The following MYO7B variants were observed in gnomAD, a reference collection of about 807,000 sequenced individuals.
MYO7B encodes myosin VIIB, also known as unconventional myosin-VIIb.
MYO7B carries 212 observed loss-of-function variants against 259.7 expected under a neutral mutation model. The observed-to-expected ratio is 0.82, with a 90% CI of 0.73 to 0.91. MYO7B has a LOEUF of 0.91. MYO7B is among the 40% of genes least tolerant of loss of function. MYO7B has a pLI of 0.00. For missense variants in MYO7B, 2,732 were observed against 2,813.5 expected, an observed-to-expected ratio of 0.97 and a Z score of 0.66; for synonymous variants, 1,197 against 1,166.4, an observed-to-expected ratio of 1.03 and a Z score of -0.54.
chr2:127,547,002 A>G (rs1324543556), intron 1 of MYO7B, among the ~76,000 whole-genome samples: 3 of 151,964 alleles, frequency 2.0e-5, no homozygotes, highest in Non-Finnish European at 4.4e-5. Context: ...CAGTGGATCC[A>G]TCCATCCACT....
chr2:127,559,213 G>A lies in MYO7B; in HGVS notation c.-23-487G>A, dbSNP rs1295499929. Among the ~76,000 whole-genome samples the A allele has an allele frequency of 2.0e-5, 3 of 152,342 alleles. No homozygotes were observed. The highest frequency in any genetic ancestry group is 1.9e-4 in the East Asian group (1 of 5,188). On this transcript the variant is annotated intron_variant, in intron 1 of 47. Transcript: ENST00000409816. This position sits in a 1 kb window ranked among gnomAD's most constrained non-coding sequence, Gnocchi z 4.1. ...GACAGGTTTGAAAGGAGGCAGATCC[G>A]GGTTTGATTCCCAGCTGTGCTACTA...
chr2:127,539,579 A>G lies in MYO7B; in HGVS notation c.-24+3748A>G, dbSNP rs993401987. ...GGAAGATTTCTCAGGGACTATCTCT[A>G]CATGAGGGAGGGCACCTCACGGGCT... On this transcript the variant is annotated intron_variant, in intron 1 of 47. Transcript: ENST00000409816. The surrounding 1 kb of genome is among the most constrained non-coding windows in gnomAD (Gnocchi z 4.0). Among the ~76,000 whole-genome samples, 3 of 151,306 alleles carry G rather than the reference A, an allele frequency of 2.0e-5. No individual in the cohort carries two copies. The highest frequency in any genetic ancestry group is 4.4e-5 in the Non-Finnish European group (3 of 67,416).
intron 5 of MYO7B, among the ~76,000 whole-genome samples, chr2:127,568,876 CCAA>C (rs1678468534): frequency 6.7e-6 from 1 of 149,916 alleles, no homozygotes; most frequent in South Asian, 2.1e-4. Context: ...CCAGCCCAGG[CCAA>C]CAACAGCAAG....
chr2:127,630,990 C>T, intron 36 of MYO7B, 82 bp downstream of exon 36: 4 of 1,441,514 alleles, frequency 2.8e-6, no homozygotes, highest in Non-Finnish European at 3.8e-6. Context: ...GCTCCCAGCC[C>T]CGCTCCACCT....
In MYO7B at chr2:127,590,792, C is replaced by A. The variant is rs996678650; in HGVS notation, c.1992+563C>A. ...CAGAGGCCGCATATGCAGGGATTCC[C>A]CAAACTAGGAGACATCAGCTGAAAC... On this transcript the variant is annotated intron_variant, in intron 16 of 47. Coordinates refer to ENST00000409816, the MANE Select transcript of MYO7B (RefSeq NM_001393586.1). This position sits in a 1 kb window ranked among gnomAD's most constrained non-coding sequence, Gnocchi z 4.6. Among the ~76,000 whole-genome samples, 1 of 152,118 alleles carries A rather than the reference C, an allele frequency of 6.6e-6. No individual in the cohort carries two copies. Among genetic ancestry groups the A allele is most frequent in the Admixed American group, 6.5e-5 (1 of 15,286 alleles).
At chr2:127,605,815 C>G (rs768685130) in intron 19 of MYO7B, 29 bp from the exon 20 acceptor site, 28 of 1,603,732 alleles carry the variant, frequency 1.7e-5, no homozygotes, top group Non-Finnish European at 2.4e-5. Context: ...GGGATTGTTA[C>G]ATGTGTGTGG....
rs1692758047 is a variant in MYO7B, at chr2:127,535,999, G to T, written c.-24+168G>T. Among the ~76,000 whole-genome samples the T allele has an allele frequency of 6.6e-6, 1 of 152,156 alleles. No homozygotes were observed. The highest frequency in any genetic ancestry group is 2.1e-4 in the South Asian group (1 of 4,832). The stretch of plus-strand genomic sequence containing the variant: ...CTGGAAACCAGAAACCGCAGCAGGG[G>T]ACTCAGTCCATCGGGCTGAAGGGCA... On this transcript the variant is annotated intron_variant, in intron 1 of 47. Coordinates refer to ENST00000409816, the MANE Select transcript of MYO7B (RefSeq NM_001393586.1). The surrounding 1 kb of genome is among the most constrained non-coding windows in gnomAD (Gnocchi z 4.8).
At position 127,566,708 on chromosome 2, in the gene MYO7B, G is replaced by A. The variant is rs911876242; in HGVS notation, c.351G>A (p.Glu117=). Residue 117 remains glutamate (E), a synonymous_variant, in exon 5 of 48, where the codon GAG becomes GAA. Transcript: ENST00000409816. Reference sequence around the variant, plus strand: ...AGGTGCTGCCGCTCTACACCCTGGAGCAGGTACAGCTCTACTACAGCCGCC... The same window carrying A: ...AGGTGCTGCCGCTCTACACCCTGGAACAGGTACAGCTCTACTACAGCCGCC... ...PFQVLPLYTL[E]QVQLYYSRHM... 3.7e-6 allele frequency: 6 copies of A among 1,611,040 alleles called. No homozygotes were observed. The highest frequency in any genetic ancestry group is 3.3e-5 in the South Asian group (3 of 90,788).
chr2:127,536,129 C>T (rs1437678769), intron 1 of MYO7B, among the ~76,000 whole-genome samples: 1 of 152,158 alleles, frequency 6.6e-6, no homozygotes, highest in African/African-American at 2.4e-5. Context: ...GCCAAGGCTG[C>T]TCCCACCCTG....
In MYO7B at chr2:127,631,255, G is replaced by A. The variant is rs1681487593; in HGVS notation, c.4987G>A (p.Ala1663Thr). 6.2e-7 allele frequency: 1 copy of A among 1,611,002 alleles called. No individual in the cohort carries two copies. Among genetic ancestry groups the A allele is most frequent in the Non-Finnish European group, 8.5e-7 (1 of 1,178,690 alleles). The change falls in exon 37 of 48, where the codon GCC becomes ACC. Residue 1663 changes from alanine (A) to threonine (T), a missense_variant. Around this residue, in one of 3 missense-constraint regions of MYO7B, gnomAD observed 821 missense variants for 769.3 expected, o/e 1.07. Coordinates refer to ENST00000409816, the MANE Select transcript of MYO7B (RefSeq NM_001393586.1). ...CATGGCCGTGCTGCCCCTGGCCCGTGCCCGTGGCCACCTGTGGGCCTATTC... is the reference window on the plus strand; with the variant it reads ...CATGGCCGTGCTGCCCCTGGCCCGTACCCGTGGCCACCTGTGGGCCTATTC... The part of the protein sequence containing the change: ...VSMAVLPLAR[A>T]RGHLWAYSCE...
intron 42 of MYO7B, 119 bp from the exon 43 acceptor site, chr2:127,635,000 GA>G: frequency 1.3e-6 from 1 of 779,322 alleles, no homozygotes; most frequent in Non-Finnish European, 2.1e-6. Flanking sequence ...GACTGGGGAG[GA>G]AGAAGCGTGG....
rs563573132 is a variant in MYO7B at position 127,588,645 on chromosome 2, C to G, written c.1854+90C>G. ...ACAGGAAAGACTGTTTTACTCACCT[C>G]TGGGTCCACAGCATGCAGTTGGCAC... On this transcript the variant is annotated intron_variant, in intron 15 of 47. Transcript: ENST00000409816. 3 of 1,505,250 alleles carry G rather than the reference C, an allele frequency of 2.0e-6. No individual in the cohort carries two copies. The African/African-American group carries it at 4.1e-5, about 21-fold the overall frequency. The allele number at this position is 1,505,250 out of a possible 1,614,324, so 93.2% of individuals were successfully genotyped here.
chr2:127,629,907 C>T (rs1343989083), intron 35 of MYO7B, 81 bp downstream of exon 35: 2 of 1,399,576 alleles, frequency 1.4e-6, no homozygotes, highest in East Asian at 5.5e-5. Flanking sequence ...GTTGGGAGGC[C>T]TAGCTCAGGG....
rs112362217 is a variant in MYO7B, at chr2:127,561,878, A to G, written c.18+2138A>G. On this transcript the variant is annotated intron_variant, in intron 2 of 47. Coordinates refer to ENST00000409816, the MANE Select transcript of MYO7B (RefSeq NM_001393586.1). ...TCACAGTCCTGGAAGCTGGAAGTCC[A>G]AGGTCAAGGTGCCTTTAGGGTTGGT... Among the ~76,000 whole-genome samples the G allele has an allele frequency of 9.6e-3, 1,458 of 152,302 alleles. 24 individuals are homozygous for G. The highest frequency in any genetic ancestry group is 0.034 in the African/African-American group (1,393 of 41,550).
In MYO7B at chr2:127,574,059, G is replaced by A; in HGVS notation, c.732G>A (p.Arg244=). ...QFLLEKSRVC[R]QAPEERNYHI... The stretch of plus-strand genomic sequence containing the variant: ...TCCTGGAGAAGTCCCGGGTCTGCCG[G>A]CAGGTGAGGCCTCCCCCTTCCCAGG... The change falls in exon 7 of 48, where the codon CGG becomes CGA. Residue 244 remains arginine, a synonymous_variant. Transcript: ENST00000409816. 2 of 1,613,932 alleles carry A rather than the reference G, an allele frequency of 1.2e-6. No individual in the cohort carries two copies. The highest frequency in any genetic ancestry group is 4.5e-5 in the East Asian group (2 of 44,870).
At chr2:127,561,980 T>TG (rs1678105583) in intron 2 of MYO7B, among the ~76,000 whole-genome samples, 1 of 150,988 alleles carries the variant, frequency 6.6e-6, no homozygotes, top group Admixed American at 6.6e-5. Flanking sequence ...TCTTCTGTGC[T>TG]TGGGGGTGAG....
chr2:127,624,520 G>A (rs181344724), intron 30 of MYO7B, among the ~76,000 whole-genome samples, 200 bp downstream of exon 30: 42 of 152,358 alleles, frequency 2.8e-4, no homozygotes, highest in Admixed American at 1.4e-3. Context: ...TCCGGGGTCC[G>A]TGGTTCTGGC....
At chr2:127,616,246 CT>C (rs1369703319) in intron 26 of MYO7B, among the ~76,000 whole-genome samples, 1 of 152,208 alleles carries the variant, frequency 6.6e-6, no homozygotes, top group Non-Finnish European at 1.5e-5. Context: ...TCCTCAAGCT[CT>C]ATTACCATGA....
At position 127,566,674 on chromosome 2, in the gene MYO7B, ACCCGTTCCAGGTGCTG is replaced by A. The variant is rs766068896; in HGVS notation, c.320_335del (p.Pro107ArgfsTer34). ...ACAGGCTCCATCCTGGTGGCCGTCA[ACCCGTTCCAGGTGCTG>A]CCGCTCTACACCCTGGAGCAGGTAC... On this transcript the variant is annotated frameshift_variant, in exon 5 of 48. Coordinates refer to ENST00000409816, the MANE Select transcript of MYO7B (RefSeq NM_001393586.1). LOFTEE classifies it high-confidence loss of function. The A allele has an allele frequency of 6.2e-7, 1 of 1,601,240 alleles. No individual in the cohort carries two copies. The highest frequency in any genetic ancestry group is 8.5e-7 in the Non-Finnish European group (1 of 1,174,908).
Sources: gnomAD v4.1 joint callset for allele counts (sites outside exome capture counted in the v4.1 genomes callset) on GRCh38, gnomAD v4.1.1 for gene constraint, gnomAD v4.1.1 regional missense constraint, Gnocchi (gnomAD v3.1) non-coding constraint, MANE v1.5 for transcripts, NCBI Gene and HGNC (gene_info 2026-07-23, HGNC 2026-07-21) for gene names.